Variants in KLHL32 observed in about 807,000 individuals in gnomAD.
KLHL32 encodes the protein kelch like family member 32.
Under a neutral mutation model 64.8 loss-of-function variants are expected in KLHL32, and 35 were observed. The observed-to-expected ratio is 0.54, with a 90% CI of 0.41 to 0.72. The LOEUF (loss-of-function observed/expected upper bound fraction) is 0.72. Ranked by LOEUF, KLHL32 falls within the 30% of genes least tolerant of loss-of-function variation. KLHL32 has a pLI of 0.00. For missense variants in KLHL32, 589 were observed against 768.5 expected (o/e 0.77, Z 2.76); for synonymous variants, 259 against 281.0 (o/e 0.92, Z 0.78).
chr6:96,915,276 A>T, the KLHL32 span, among the ~76,000 whole-genome samples: 1 of 152,174 alleles, frequency 6.6e-6, no homozygotes, highest in East Asian at 1.9e-4. Context: ...ACAAATATTT[A>T]CTGAGTGGTT....
At chr6:97,000,023 C>T (rs950139368) in intron 3 of KLHL32, among the ~76,000 whole-genome samples, 4 of 152,046 alleles carry the variant, frequency 2.6e-5, no homozygotes, top group Non-Finnish European at 2.9e-5. Flanking sequence ...CTAAAGGATG[C>T]TTTTACTTGG....
intron 6 of KLHL32, among the ~76,000 whole-genome samples, chr6:97,088,507 G>A (rs896504728): frequency 6.6e-6 from 1 of 152,140 alleles, no homozygotes; most frequent in African/African-American, 2.4e-5. Context: ...AGACTGATGA[G>A]CCAGGGTCTT....
rs144182043 is a variant in KLHL32, at chr6:96,984,126, T to C, written c.204+7949T>C. ...AAGCACATCTTTATTTCTGCCTTCA[T>C]TTCGTTATATGCCCAGTAGTCATTC... is the stretch of plus-strand genomic sequence containing the variant. On this transcript the variant is annotated intron_variant, in intron 3 of 10. Transcript: ENST00000369261. Among the ~76,000 whole-genome samples, 328 of 152,332 alleles carry C rather than the reference T, an allele frequency of 2.2e-3. 2 individuals are homozygous for C. The highest frequency in any genetic ancestry group is 7.4e-3 in the African/African-American group (308 of 41,570).
intron 3 of KLHL32, among the ~76,000 whole-genome samples, chr6:97,038,209 G>T (rs1269115708): frequency 6.6e-6 from 1 of 151,916 alleles, no homozygotes; most frequent in Non-Finnish European, 1.5e-5. Flanking sequence ...ACACAGCAAA[G>T]GAAACAATCA....
the KLHL32 span, among the ~76,000 whole-genome samples, chr6:96,903,238 CA>C: frequency 7.0e-4 from 106 of 151,686 alleles, 1 homozygote; most frequent in African/African-American, 1.6e-3. Context: ...AATATGGAGA[CA>C]TTTTTTTAAA....
intron 5 of KLHL32, among the ~76,000 whole-genome samples, chr6:97,072,836 A>G (rs895885893): frequency 2.0e-5 from 3 of 152,090 alleles, no homozygotes; most frequent in Admixed American, 2.0e-4. Flanking sequence ...CTGGGAGGCC[A>G]TATTGTTTGT....
intron 1 of KLHL32, among the ~76,000 whole-genome samples, chr6:96,965,255 G>A (rs536313617): frequency 3.5e-4 from 54 of 152,208 alleles, no homozygotes; most frequent in South Asian, 1.5e-3. Flanking sequence ...TCTACCACTG[G>A]TGGGCACCTA....
the KLHL32 span, among the ~76,000 whole-genome samples, chr6:96,900,321 A>G: frequency 1.3e-5 from 2 of 152,238 alleles, no homozygotes; most frequent in Non-Finnish European, 2.9e-5. Flanking sequence ...TCAGAGGAGA[A>G]GGGAGCAGTT....
At chr6:97,001,165 C>T (rs188212547) in intron 3 of KLHL32, among the ~76,000 whole-genome samples, 1 of 152,180 alleles carries the variant, frequency 6.6e-6, no homozygotes, top group East Asian at 1.9e-4. Flanking sequence ...TGAACCCTAA[C>T]GTAAACTTTG....
At chr6:97,135,519 G>C (rs1418395863) in intron 10 of KLHL32, among the ~76,000 whole-genome samples, 3 of 151,894 alleles carry the variant, frequency 2.0e-5, no homozygotes, top group Admixed American at 6.6e-5. Flanking sequence ...TGCTGGCCAG[G>C]CTGGTCTCAA....
intron 5 of KLHL32, among the ~76,000 whole-genome samples, chr6:97,084,806 C>T (rs901683076): frequency 3.9e-5 from 6 of 152,134 alleles, no homozygotes; most frequent in Admixed American, 6.5e-5. Flanking sequence ...CAATTGCCCT[C>T]ATTAGTAAAA....
intron 4 of KLHL32, among the ~76,000 whole-genome samples, chr6:97,055,166 C>G (rs1787596913): frequency 6.6e-6 from 1 of 152,140 alleles, no homozygotes; most frequent in Non-Finnish European, 1.5e-5. Flanking sequence ...GAGTTTCTCA[C>G]CCTCTCTCTT....
intron 1 of KLHL32, among the ~76,000 whole-genome samples, chr6:96,958,927 A>G (rs2128022219): frequency 1.3e-5 from 2 of 152,258 alleles, no homozygotes; most frequent in South Asian, 4.1e-4. Context: ...CTTCAAGCAT[A>G]TGGCTGTGCG....
chr6:97,069,150 C>T (rs1790297005), intron 5 of KLHL32, among the ~76,000 whole-genome samples: 1 of 152,026 alleles, frequency 6.6e-6, no homozygotes, highest in South Asian at 2.1e-4. Context: ...AAAGCAAAGC[C>T]CAAATTCTTA....
At chr6:97,035,764 T>C (rs1023391062) in intron 3 of KLHL32, among the ~76,000 whole-genome samples, 2 of 152,186 alleles carry the variant, frequency 1.3e-5, no homozygotes, top group African/African-American at 4.8e-5. Flanking sequence ...TTCAAAATTC[T>C]CTGTCTTTAA....
intron 5 of KLHL32, among the ~76,000 whole-genome samples, chr6:97,066,253 G>T (rs187372602): frequency 6.6e-6 from 1 of 152,180 alleles, no homozygotes; most frequent in African/African-American, 2.4e-5. Context: ...GACACAGTTT[G>T]GTTAGAGCGT....
chr6:97,011,432 C>G (rs1345939564), intron 3 of KLHL32, among the ~76,000 whole-genome samples: 1 of 152,108 alleles, frequency 6.6e-6, no homozygotes, highest in Non-Finnish European at 1.5e-5. Flanking sequence ...TTACTAATCA[C>G]AAGTATGTGT....
chr6:96,921,987 G>C (rs6568659), upstream of KLHL32, among the ~76,000 whole-genome samples: 943 of 152,290 alleles, frequency 6.2e-3, 7 homozygotes, highest in African/African-American at 0.021. Context: ...TAGGATACTT[G>C]TTTAAGAAAG....
At chr6:97,040,559 T>C (rs1042653939) in intron 3 of KLHL32, among the ~76,000 whole-genome samples, 26 of 152,280 alleles carry the variant, frequency 1.7e-4, no homozygotes, top group Admixed American at 8.5e-4. Flanking sequence ...TAAATCTGCA[T>C]TGGGGCCCTG....
Sources: allele counts gnomAD v4.1 joint callset (sites outside exome capture counted in the v4.1 genomes callset), GRCh38; gene constraint gnomAD v4.1.1; transcripts MANE v1.5; gene names NCBI Gene and HGNC (gene_info 2026-07-23, HGNC 2026-07-21).